Variants in PDGFC observed in about 807,000 individuals in gnomAD.
The protein encoded by PDGFC is platelet derived growth factor C, also known as platelet-derived growth factor C.
A neutral mutation model predicts 35.5 loss-of-function variants in PDGFC; 12 were observed. The ratio of observed to expected loss-of-function variants is 0.34; its 90% CI spans 0.22 to 0.55. The LOEUF is 0.55. Ranked by LOEUF, PDGFC falls within the 20% of genes least tolerant of loss-of-function variation. The probability of loss-of-function intolerance (pLI) is 0.91; values close to 1 mark genes in which losing one functional copy is unlikely to be tolerated. For missense variants in PDGFC, 322 were observed against 412.4 expected (o/e 0.78, Z 1.90); for synonymous variants, 159 against 148.8 (o/e 1.07, Z -0.50).
intron 3 of PDGFC, among the ~76,000 whole-genome samples, chr4:156,776,751 A>T (rs1444166574): frequency 1.3e-5 from 2 of 152,196 alleles, no homozygotes; most frequent in African/African-American, 4.8e-5. Context: ...CATGATAATG[A>T]GAGAACTACG....
At chr4:156,941,512 T>C (rs1169431162) in intron 1 of PDGFC, among the ~76,000 whole-genome samples, 1 of 152,196 alleles carries the variant, frequency 6.6e-6, no homozygotes, top group East Asian at 1.9e-4. Context: ...GGTTTATCAT[T>C]AGCTTTATCA....
At chr4:156,796,693 G>T (rs1731452268) in intron 3 of PDGFC, among the ~76,000 whole-genome samples, 2 of 151,754 alleles carry the variant, frequency 1.3e-5, no homozygotes, top group Admixed American at 1.3e-4. Context: ...TTCCTTTTAG[G>T]CAAAATGGTG....
chr4:156,850,285 C>T lies in PDGFC; in HGVS notation c.250G>A (p.Val84Ile). The change falls in exon 2 of 6, where the codon GTA (valine) becomes ATA (isoleucine). Residue 84 changes from valine to isoleucine, a missense_variant. Physicochemically the swap from Val to Ile is conservative, Grantham distance 29 (BLOSUM62 3). Around this residue, in one of 2 missense-constraint regions of PDGFC, gnomAD observed 120 missense variants for 116.6 expected, o/e 1.03. Coordinates refer to ENST00000502773, the MANE Select transcript of PDGFC (RefSeq NM_016205.3). ...VWRLVAVEENVWIQLTFDERF... is the reference protein window; with the variant it reads ...VWRLVAVEENIWIQLTFDERF... ...TCATCAAACGTAAGTTGTATCCATA[C>T]ATTTTCCTCTACTGCTACTAATCTC... The T allele has an allele frequency of 6.2e-7, 1 of 1,610,326 alleles. No homozygotes were observed. Among genetic ancestry groups the T allele is most frequent in the Middle Eastern group, 1.7e-4 (1 of 6,034 alleles).
At chr4:156,837,173 C>G (rs1276033563) in intron 2 of PDGFC, among the ~76,000 whole-genome samples, 2 of 152,132 alleles carry the variant, frequency 1.3e-5, no homozygotes, top group Non-Finnish European at 2.9e-5. Flanking sequence ...AGAATTATTA[C>G]AGTGTATTTT....
intron 2 of PDGFC, 140 bp downstream of exon 2, chr4:156,850,081 T>G: frequency 2.1e-6 from 1 of 487,506 alleles, no homozygotes; most frequent in Non-Finnish European, 3.6e-6. Flanking sequence ...AAAACATAGC[T>G]TCAATAAGGC....
At chr4:156,908,226 T>A (rs996994107) in intron 1 of PDGFC, among the ~76,000 whole-genome samples, 1 of 152,110 alleles carries the variant, frequency 6.6e-6, no homozygotes. Flanking sequence ...AGCTTAGCTT[T>A]AAGGCAATAA....
rs545720108 is a variant in PDGFC at position 156,908,957 on chromosome 4, T to C, written c.119-58541A>G. 2.8e-4 allele frequency among the ~76,000 whole-genome samples: 42 copies of C among 152,188 alleles called. No homozygotes were observed. The South Asian group carries it at 6.8e-3, about 25-fold the overall frequency. ...CAAATGATGAACTTGGAAAACATTA[T>C]GGTAAGGGAAAGGAGAAGTCACAAA... On this transcript the variant is annotated intron_variant, in intron 1 of 5. Transcript: ENST00000502773.
intron 3 of PDGFC, among the ~76,000 whole-genome samples, chr4:156,793,458 C>T (rs1374977413): frequency 6.7e-6 from 1 of 148,624 alleles, no homozygotes; most frequent in Non-Finnish European, 1.5e-5. Flanking sequence ...TGCATTGTGA[C>T]CAGCATTCTT....
chr4:156,925,694 A>G (rs1478585812), intron 1 of PDGFC, among the ~76,000 whole-genome samples: 1 of 151,240 alleles, frequency 6.6e-6, no homozygotes, highest in Admixed American at 6.6e-5. Flanking sequence ...TACATACAGT[A>G]TTTGAAGGCA....
At chr4:156,790,503 G>A (rs776040897) in intron 3 of PDGFC, among the ~76,000 whole-genome samples, 4 of 152,176 alleles carry the variant, frequency 2.6e-5, no homozygotes, top group Admixed American at 2.6e-4. Context: ...TGGAAGATAA[G>A]CAAAAACAAT....
At chr4:156,818,260 A>G (rs1046638257) in intron 2 of PDGFC, among the ~76,000 whole-genome samples, 1 of 151,840 alleles carries the variant, frequency 6.6e-6, no homozygotes, top group African/African-American at 2.4e-5. Flanking sequence ...CGCGTTTTTT[A>G]CAATTGAAAA....
chr4:156,967,156 G>A (rs1732486434), intron 1 of PDGFC, among the ~76,000 whole-genome samples: 1 of 152,004 alleles, frequency 6.6e-6, no homozygotes, highest in South Asian at 2.1e-4. Context: ...TTTACTCTTG[G>A]ACACTGTTCT....
intron 3 of PDGFC, among the ~76,000 whole-genome samples, chr4:156,790,689 A>C (rs1388329132): frequency 6.6e-6 from 1 of 152,222 alleles, no homozygotes. Flanking sequence ...TCAAGATGTG[A>C]ACTCCAAAAC....
chr4:156,826,371 T>C (rs1732480295), intron 2 of PDGFC, among the ~76,000 whole-genome samples: 1 of 151,502 alleles, frequency 6.6e-6, no homozygotes, highest in South Asian at 2.1e-4. Context: ...CCCAACTAAT[T>C]TTTGTATTTT....
chr4:156,821,637 T>G (rs1207894160), intron 2 of PDGFC, among the ~76,000 whole-genome samples: 1 of 152,194 alleles, frequency 6.6e-6, no homozygotes, highest in Non-Finnish European at 1.5e-5. Context: ...AATCTCTGCC[T>G]CCTGGCTTCA....
chr4:156,783,508 G>T (rs1731036181), intron 3 of PDGFC, among the ~76,000 whole-genome samples: 1 of 152,034 alleles, frequency 6.6e-6, no homozygotes, highest in Admixed American at 6.6e-5. Context: ...TGCTTTTATT[G>T]CCTTGTCACA....
At chr4:156,956,763 A>G (rs1438994067) in intron 1 of PDGFC, among the ~76,000 whole-genome samples, 2 of 152,180 alleles carry the variant, frequency 1.3e-5, no homozygotes, top group East Asian at 3.9e-4. Flanking sequence ...ACTATATTAT[A>G]TATTTTGAAA....
intron 2 of PDGFC, among the ~76,000 whole-genome samples, chr4:156,838,892 T>G (rs1371271407): frequency 6.6e-6 from 1 of 151,340 alleles, no homozygotes; most frequent in African/African-American, 2.4e-5. Context: ...TCCGGAGGAG[T>G]CAAAGGAATG....
intron 1 of PDGFC, among the ~76,000 whole-genome samples, chr4:156,916,710 T>C (rs1731163256): frequency 6.6e-6 from 1 of 152,216 alleles, no homozygotes; most frequent in Non-Finnish European, 1.5e-5. Flanking sequence ...TGAACACCTA[T>C]ACTGTCAATT....
Sources: allele counts gnomAD v4.1 joint callset (sites outside exome capture counted in the v4.1 genomes callset), GRCh38; gene constraint gnomAD v4.1.1; regional missense constraint gnomAD v4.1.1; transcripts MANE v1.5; gene names NCBI Gene and HGNC (gene_info 2026-07-23, HGNC 2026-07-21).